Variants in CNTN2 observed in about 807,000 individuals in gnomAD.
CNTN2 encodes the protein contactin 2.
A neutral mutation model predicts 117.5 loss-of-function variants in CNTN2; 53 were observed. That is an observed-to-expected ratio of 0.45 (90% CI 0.36 to 0.57). The LOEUF (loss-of-function observed/expected upper bound fraction) is 0.57. Among genes scored for constraint, CNTN2 ranks in the 20% least tolerant of loss-of-function variants. The pLI, the probability that CNTN2 is intolerant of heterozygous loss-of-function variation, is 0.00. For synonymous variants in CNTN2, 530 were observed against 561.7 expected (o/e 0.94, Z 0.80); for missense variants, 1,106 against 1,404.3 (o/e 0.79, Z 3.39).
Position 205,062,389 on chromosome 1 carries a change from C to A in CNTN2, c.1111-51C>A, listed in dbSNP as rs763225347. 7 of 1,567,802 alleles carry A rather than the reference C, an allele frequency of 4.5e-6. No homozygotes were observed. The Admixed American group carries it at 1.1e-4, about 25-fold the overall frequency. On this transcript the variant is annotated intron_variant, in intron 9 of 22. Coordinates refer to ENST00000331830, the MANE Select transcript of CNTN2 (RefSeq NM_005076.5). ...TCCCACCCCTGCCAACCCCTCCTCC[C>A]TGTGGCTCCTGTGGTCCTGATCCCC...
Position 205,061,275 on chromosome 1 carries a change from G to A in CNTN2, c.828G>A (p.Val276=). 2 of 1,613,448 alleles carry A rather than the reference G, an allele frequency of 1.2e-6. No homozygotes were observed. Among genetic ancestry groups the A allele is most frequent in the Non-Finnish European group, 1.7e-6 (2 of 1,179,552 alleles). ...TCCCCCGGATCAAGTGGCGCAAAGTGGACGGCTCCCTGTCCCCGCAGTGGA... is the reference window on the plus strand; with the variant it reads ...TCCCCCGGATCAAGTGGCGCAAAGTAGACGGCTCCCTGTCCCCGCAGTGGA... ...NPVPRIKWRK[V]DGSLSPQWTT... The change falls in exon 8 of 23, where the codon GTG becomes GTA. Residue 276 remains valine (V), a synonymous_variant. Coordinates refer to ENST00000331830, the MANE Select transcript of CNTN2 (RefSeq NM_005076.5). This position sits in a 1 kb window ranked among gnomAD's most constrained non-coding sequence, Gnocchi z 4.8.
In CNTN2 at chr1:205,061,563, G is replaced by A. The variant is rs189860541; in HGVS notation, c.973+143G>A. On this transcript the variant is annotated intron_variant, in intron 8 of 22. Transcript: ENST00000331830. The surrounding 1 kb of genome is among the most constrained non-coding windows in gnomAD (Gnocchi z 4.8). ...CCTGCTTGCCCTAGGACTGCACTGA[G>A]TCTGGGACCAGAGGAGGCTAGTGCT... 150 of 1,028,758 alleles carry A rather than the reference G, an allele frequency of 1.5e-4. 2 individuals carry two copies. The East Asian group carries it at 2.5e-3, about 17-fold the overall frequency. 63.7% of individuals were successfully genotyped at this position (1,028,758 alleles called of 1,614,324 possible).
intron 16 of CNTN2, chr1:205,067,922 C>A: frequency 1.4e-5 from 1 of 72,700 alleles, no homozygotes; most frequent in Non-Finnish European, 2.4e-5. Flanking sequence ...AGCGAGACTC[C>A]ATCTCAAAAA....
In CNTN2 at chr1:205,066,056, G is replaced by A. The variant is rs140974251; in HGVS notation, c.1816+147G>A. 106 of 982,032 alleles carry A rather than the reference G, an allele frequency of 1.1e-4. No individual in the cohort carries two copies. The African/African-American group carries it at 1.6e-3, about 15-fold the overall frequency. 60.8% of individuals were successfully genotyped at this position (982,032 alleles called of 1,614,324 possible). ...AACTCCTGTGAGCTGGATATACCCT[G>A]TGGTTCTTCACAGGTCCTAAATGAT... On this transcript the variant is annotated intron_variant, in intron 14 of 22. Coordinates refer to ENST00000331830, the MANE Select transcript of CNTN2 (RefSeq NM_005076.5).
intron 10 of CNTN2, chr1:205,063,643 G>GAA (rs1654104003): frequency 6.9e-6 from 1 of 144,744 alleles, no homozygotes; most frequent in South Asian, 2.3e-4. Context: ...AAAAAAAAAA[G>GAA]AAGAAGAAAG....
In CNTN2 at chr1:205,052,934, C is replaced by T. The variant is rs533252688; in HGVS notation, c.-86-166C>T. On this transcript the variant is annotated intron_variant, in intron 1 of 22. Transcript: ENST00000331830. The stretch of plus-strand genomic sequence containing the variant: ...AGGCACTCAGCCCCAGGAAGAGCTT[C>T]TTGGTAATAGCCAAGCCCCTTCCTC... Among the ~76,000 whole-genome samples the T allele has an allele frequency of 3.3e-5, 5 of 152,328 alleles. No individual in the cohort carries two copies. In the South Asian group the frequency reaches 1.0e-3, roughly 32 times the overall value.
In CNTN2 at chr1:205,066,877, A is replaced by G. The variant is rs146113618; in HGVS notation, c.1976-224A>G. ...TGTTACTGGAGCAATGAAAATATTC[A>G]TGGGGACATAGGGGCGTAGGCGTGC... On this transcript the variant is annotated intron_variant, in intron 15 of 22. Coordinates refer to ENST00000331830, the MANE Select transcript of CNTN2 (RefSeq NM_005076.5). Among the ~76,000 whole-genome samples, 81 of 151,756 alleles carry G rather than the reference A, an allele frequency of 5.3e-4. 2 individuals carry two copies. The East Asian group carries it at 0.012, about 23-fold the overall frequency.
At chr1:205,070,645 C>T in intron 19 of CNTN2, 107 bp downstream of exon 19, 1 of 765,610 alleles carries the variant, frequency 1.3e-6, no homozygotes, top group South Asian at 1.7e-5. Context: ...CCCTGGTTCG[C>T]TGACATGGCA....
At position 205,070,632 on chromosome 1, in the gene CNTN2, C is replaced by T. The variant is rs775902278; in HGVS notation, c.2544+94C>T. The stretch of plus-strand genomic sequence containing the variant: ...ACAGACCACTAATCATTCCTCCTGG[C>T]GTCCCTGGTTCGCTGACATGGCAAA... On this transcript the variant is annotated intron_variant, in intron 19 of 22. Transcript: ENST00000331830. The T allele has an allele frequency of 8.2e-6, 7 of 856,706 alleles. 1 individual carries two copies. The highest frequency in any genetic ancestry group is 3.1e-5 in the South Asian group (2 of 64,778). 53.1% of individuals were successfully genotyped at this position (856,706 alleles called of 1,614,324 possible).
At chr1:205,054,215 C>T (rs910536916) in intron 2 of CNTN2, among the ~76,000 whole-genome samples, 1 of 152,226 alleles carries the variant, frequency 6.6e-6, no homozygotes, top group African/African-American at 2.4e-5. Context: ...GCACCTCAGA[C>T]TCCACCTCCC....
intron 12 of CNTN2, 134 bp from the exon 13 acceptor site, chr1:205,064,953 C>A (rs1654198842): frequency 5.0e-6 from 6 of 1,201,772 alleles, no homozygotes; most frequent in Non-Finnish European, 5.9e-6. Flanking sequence ...CAGTCCTGGG[C>A]AGTTGGGACC....
At position 205,072,489 on chromosome 1, in the gene CNTN2, G is replaced by A. The variant is rs749436585; in HGVS notation, c.2738G>A (p.Arg913Gln). 13 of 1,613,942 alleles carry A rather than the reference G, an allele frequency of 8.1e-6. No individual in the cohort carries two copies. Among genetic ancestry groups the A allele is most frequent in the South Asian group, 3.3e-5 (3 of 91,080 alleles). The change falls in exon 21 of 23, where the codon CGG (arginine) becomes CAG (glutamine). Residue 913 changes from arginine (R) to glutamine (Q), a missense_variant. By Grantham distance (43) the Arg-to-Gln change is conservative. Transcript: ENST00000331830. Reference protein sequence around the residue: ...ANATTMKPPPRRPPGNISWTF... With the variant: ...ANATTMKPPPQRPPGNISWTF... ...AATTCTTCCTCTCTGGCAGCTCCGC[G>A]GCGACCTCCTGGCAACATCTCCTGG...
At chr1:205,069,721 C>T in intron 17 of CNTN2, 106 bp from the exon 18 acceptor site, 5 of 1,431,480 alleles carry the variant, frequency 3.5e-6, no homozygotes, top group Non-Finnish European at 4.8e-6. Flanking sequence ...ACGCTGCAGG[C>T]GTAGGCGTCC....
rs1654808562 is a variant in CNTN2 at position 205,075,401 on chromosome 1, C to T, written c.*1636C>T. 1 of 152,810 alleles carries T rather than the reference C, an allele frequency of 6.5e-6. No individual in the cohort carries two copies. The highest frequency in any genetic ancestry group is 2.1e-4 in the South Asian group (1 of 4,832). The allele number at this position is 152,810 out of a possible 1,614,324, so 9.5% of individuals were successfully genotyped here. ...AAGAGGCCAAAGCAAGAGCAGATTCCCTAGGCAAGAGCAGCAGCACAACTA... is the reference window on the plus strand; with the variant it reads ...AAGAGGCCAAAGCAAGAGCAGATTCTCTAGGCAAGAGCAGCAGCACAACTA... On this transcript the variant is annotated 3_prime_UTR_variant, in exon 23 of 23. Transcript: ENST00000331830.
chr1:205,059,681 A>G lies in CNTN2; in HGVS notation c.796A>G (p.Asn266Asp). 1 of 1,611,024 alleles carries G rather than the reference A, an allele frequency of 6.2e-7. No homozygotes were observed. Among genetic ancestry groups the G allele is most frequent in the African/African-American group, 1.3e-5 (1 of 74,738 alleles). ...QVTLECFAFG[N>D]PVPRIKWRKV... The stretch of plus-strand genomic sequence containing the variant: ...CACCCTGGAGTGCTTCGCCTTTGGG[A>G]AGTGAGTGTGAAGAGGGAGGGGAAG... The change falls in exon 7 of 23, where the codon AAC becomes GAC. Residue 266 changes from asparagine to aspartate, a missense_variant and splice_region_variant. Asn to Asp is a conservative substitution (Grantham distance 23). Coordinates refer to ENST00000331830, the MANE Select transcript of CNTN2 (RefSeq NM_005076.5). This position sits in a 1 kb window ranked among gnomAD's most constrained non-coding sequence, Gnocchi z 5.6.
At chr1:205,057,896 C>G (rs765778657) in intron 2 of CNTN2, 25 bp from the exon 3 acceptor site, 6 of 1,608,914 alleles carry the variant, frequency 3.7e-6, no homozygotes, top group Admixed American at 3.3e-5. Flanking sequence ...GGCTCTGAGG[C>G]ATCTGGTGGT....
intron 17 of CNTN2, 111 bp from the exon 18 acceptor site, chr1:205,069,716 G>C: frequency 7.1e-7 from 1 of 1,417,318 alleles, no homozygotes. Context: ...AATCCACGCT[G>C]CAGGCGTAGG....
Position 205,075,019 on chromosome 1 carries a change from C to A in CNTN2, c.*1254C>A, listed in dbSNP as rs1359949273. Reference sequence around the variant, plus strand: ...TGGAAGAAGCCTTAGAGCTCAACTTCTTCAAGCCCCTCACTTTACAGATGA... The same window carrying A: ...TGGAAGAAGCCTTAGAGCTCAACTTATTCAAGCCCCTCACTTTACAGATGA... On this transcript the variant is annotated 3_prime_UTR_variant, in exon 23 of 23. Transcript: ENST00000331830. The A allele has an allele frequency of 5.0e-6, 2 of 397,650 alleles. No individual in the cohort carries two copies. The highest frequency in any genetic ancestry group is 4.1e-5 in the African/African-American group (2 of 48,628). The allele number at this position is 397,650 out of a possible 1,614,324, so 24.6% of individuals were successfully genotyped here. A position where few individuals can be genotyped will look rare whatever the true frequency, so the allele number is the denominator to read the frequency against.
chr1:205,047,431 G>A (rs3753853), intron 1 of CNTN2, among the ~76,000 whole-genome samples: 4,479 of 152,194 alleles, frequency 0.029, 92 homozygotes, highest in Middle Eastern at 0.058. Flanking sequence ...GGCAATTCTT[G>A]TCTTAGGCAA....
Sources: gnomAD v4.1 joint callset for allele counts (sites outside exome capture counted in the v4.1 genomes callset) on GRCh38, gnomAD v4.1.1 for gene constraint, Gnocchi (gnomAD v3.1) non-coding constraint, MANE v1.5 for transcripts, NCBI Gene and HGNC (gene_info 2026-07-23, HGNC 2026-07-21) for gene names.